Variants in SYN3 observed in about 807,000 individuals in gnomAD.
The protein encoded by SYN3 is synapsin III.
Under a neutral mutation model 65.8 loss-of-function variants are expected in SYN3, and 35 were observed. That is an observed-to-expected ratio of 0.53 (90% CI 0.41 to 0.70). SYN3 has a LOEUF of 0.70. Ranked by LOEUF, SYN3 falls within the 30% of genes least tolerant of loss-of-function variation. The probability of loss-of-function intolerance (pLI) is 0.00; values close to 1 mark genes in which losing one functional copy is unlikely to be tolerated. For missense variants in SYN3, 680 were observed against 749.0 expected, an observed-to-expected ratio of 0.91 and a Z score of 1.08; for synonymous variants, 270 against 292.9, an observed-to-expected ratio of 0.92 and a Z score of 0.80.
At chr22:32,604,429 C>T (rs552373099) in intron 6 of SYN3, among the ~76,000 whole-genome samples, 2 of 152,044 alleles carry the variant, frequency 1.3e-5, no homozygotes, top group South Asian at 4.2e-4. Flanking sequence ...GAATGTGCCG[C>T]ACTCCCTCCA....
rs1569201415 is a variant in SYN3 at position 32,758,696 on chromosome 22, A to ATG, written c.711+106218_711+106219insCA. ...TTACTAAACTCATATATATATATAT[A>ATG]TATATGTCTTATTAGTTCTGTCCCT... On this transcript the variant is annotated intron_variant, in intron 6 of 13. Coordinates refer to ENST00000358763, the MANE Select transcript of SYN3 (RefSeq NM_003490.4). 1.8e-5 allele frequency among the ~76,000 whole-genome samples: 2 copies of ATG among 111,890 alleles called. 1 individual carries two copies. The highest frequency in any genetic ancestry group is 3.8e-5 in the Non-Finnish European group (2 of 52,786). 73.4% of individuals were successfully genotyped at this position (111,890 alleles called of 152,430 possible).
intron 6 of SYN3, among the ~76,000 whole-genome samples, chr22:32,719,023 G>A (rs560421835): frequency 5.3e-5 from 8 of 152,168 alleles, no homozygotes; most frequent in South Asian, 4.2e-4. Flanking sequence ...TTATCTGGTC[G>A]ACAGATCAGC....
intron 6 of SYN3, among the ~76,000 whole-genome samples, chr22:32,844,169 G>A (rs1256348216): frequency 6.6e-6 from 1 of 152,198 alleles, no homozygotes; most frequent in Non-Finnish European, 1.5e-5. Flanking sequence ...TTAGGTCGGG[G>A]AAGAAGGGTC....
At chr22:32,666,922 AC>A (rs2060297131) in intron 6 of SYN3, among the ~76,000 whole-genome samples, 1 of 151,804 alleles carries the variant, frequency 6.6e-6, no homozygotes, top group South Asian at 2.1e-4. Context: ...AATGTCTTTG[AC>A]TCCATATTCC....
intron 1 of SYN3, among the ~76,000 whole-genome samples, chr22:33,042,205 G>A (rs902366801): frequency 5.3e-5 from 8 of 152,194 alleles, no homozygotes; most frequent in South Asian, 2.1e-4. Context: ...CCAGCCTCCC[G>A]AACTGTCTCT....
intron 7 of SYN3, among the ~76,000 whole-genome samples, chr22:32,594,806 C>G (rs1039250513): frequency 6.6e-6 from 1 of 152,120 alleles, no homozygotes; most frequent in African/African-American, 2.4e-5. Flanking sequence ...CCTTTTTAGG[C>G]TGCCTGAAGG....
In SYN3 at chr22:32,980,798, A is replaced by C. The variant is rs1344789837; in HGVS notation, c.312-96T>G. The stretch of plus-strand genomic sequence containing the variant: ...CCTTACCCCAGAGGTGCATATTGAG[A>C]CACATCCTCAGCCATCCTACTGTCT... On this transcript the variant is annotated intron_variant, in intron 2 of 13. Coordinates refer to ENST00000358763, the MANE Select transcript of SYN3 (RefSeq NM_003490.4). 3 of 1,047,868 alleles carry C rather than the reference A, an allele frequency of 2.9e-6. No homozygotes were observed. In the Admixed American group the frequency reaches 5.2e-5, roughly 18 times the overall value. 64.9% of individuals were successfully genotyped at this position (1,047,868 alleles called of 1,614,324 possible). A position where few individuals can be genotyped will look rare whatever the true frequency, so the allele number is the denominator to read the frequency against.
chr22:32,822,179 T>C (rs1430088225), intron 6 of SYN3, among the ~76,000 whole-genome samples: 5 of 142,440 alleles, frequency 3.5e-5, no homozygotes, highest in Non-Finnish European at 6.1e-5. Context: ...AAAAAAGAAG[T>C]TGGAGCTCTG....
chr22:32,813,180 C>T (rs1403711320), intron 6 of SYN3, among the ~76,000 whole-genome samples: 1 of 152,074 alleles, frequency 6.6e-6, no homozygotes, highest in African/African-American at 2.4e-5. Flanking sequence ...TTTATGGTTC[C>T]CCATTCTCTT....
chr22:32,562,984 C>T (rs1056074566), intron 7 of SYN3, among the ~76,000 whole-genome samples: 4 of 152,236 alleles, frequency 2.6e-5, no homozygotes, highest in East Asian at 1.9e-4. Flanking sequence ...AACTTTCCCT[C>T]TCTCAACTCT....
rs371351768 is a variant in SYN3 at position 32,808,548 on chromosome 22, G to A, written c.711+56367C>T. Among the ~76,000 whole-genome samples, 8 of 152,256 alleles carry A rather than the reference G, an allele frequency of 5.3e-5. No individual in the cohort carries two copies. The East Asian group carries it at 1.4e-3, about 26-fold the overall frequency. On this transcript the variant is annotated intron_variant, in intron 6 of 13. Transcript: ENST00000358763. ...TCTTAGGATAAAGTATCATCAAATGGCTTTTACAAGGGCCAGTGTGGACCC... is the reference window on the plus strand; with the variant it reads ...TCTTAGGATAAAGTATCATCAAATGACTTTTACAAGGGCCAGTGTGGACCC...
chr22:32,684,853 T>A (rs1023246485), intron 6 of SYN3, among the ~76,000 whole-genome samples: 6 of 152,216 alleles, frequency 3.9e-5, no homozygotes, highest in African/African-American at 1.4e-4. Flanking sequence ...ACTTGGTTTC[T>A]CTGAGCCCCA....
At chr22:32,770,506 C>T (rs1438071933) in intron 6 of SYN3, among the ~76,000 whole-genome samples, 1 of 152,192 alleles carries the variant, frequency 6.6e-6, no homozygotes, top group Admixed American at 6.5e-5. Flanking sequence ...GCTCCTAGAA[C>T]ACCCCGAGTT....
At chr22:32,884,521 C>T (rs990248047) in intron 4 of SYN3, among the ~76,000 whole-genome samples, 1 of 152,308 alleles carries the variant, frequency 6.6e-6, no homozygotes, top group Non-Finnish European at 1.5e-5. Flanking sequence ...TTTTCTATGA[C>T]CTTGGATTTC....
At chr22:32,843,979 A>T (rs981244920) in intron 6 of SYN3, among the ~76,000 whole-genome samples, 1 of 152,116 alleles carries the variant, frequency 6.6e-6, no homozygotes, top group Non-Finnish European at 1.5e-5. Context: ...AGATAGCATG[A>T]ATCAACTCCT....
At chr22:32,545,557 C>A (rs1318040094) in intron 7 of SYN3, among the ~76,000 whole-genome samples, 1 of 152,122 alleles carries the variant, frequency 6.6e-6, no homozygotes, top group Non-Finnish European at 1.5e-5. Context: ...AGGTCTCTCT[C>A]TCTCTCTCTC....
chr22:33,026,004 C>G (rs2053636562), intron 1 of SYN3, among the ~76,000 whole-genome samples: 1 of 152,180 alleles, frequency 6.6e-6, no homozygotes. Flanking sequence ...CATGTCCTGG[C>G]TGTCCCACGA....
At chr22:32,718,639 G>A (rs970822008) in intron 6 of SYN3, among the ~76,000 whole-genome samples, 17 of 151,102 alleles carry the variant, frequency 1.1e-4, no homozygotes, top group African/African-American at 3.4e-4. Flanking sequence ...CCACATAGAA[G>A]TGAAACTGAC....
rs1229781346 is a variant in SYN3 at position 32,511,485 on chromosome 22, CA to C, written c.*2206del. On this transcript the variant is annotated 3_prime_UTR_variant, in exon 14 of 14. Coordinates refer to ENST00000358763, the MANE Select transcript of SYN3 (RefSeq NM_003490.4). ...TGGCCAGACTAGTTCTGTTGCATTG[CA>C]CAGGCTGAGCAAAAAGAAGGGAGAT... Among the ~76,000 whole-genome samples, 1 of 152,216 alleles carries C rather than the reference CA, an allele frequency of 6.6e-6. No homozygotes were observed. The highest frequency in any genetic ancestry group is 1.5e-5 in the Non-Finnish European group (1 of 68,046).
Sources: allele counts gnomAD v4.1 joint callset (sites outside exome capture counted in the v4.1 genomes callset), GRCh38; gene constraint gnomAD v4.1.1; transcripts MANE v1.5; gene names NCBI Gene and HGNC (gene_info 2026-07-23, HGNC 2026-07-21).